SLC35D2: variants seen among roughly 807,000 people sequenced by gnomAD.
The protein encoded by SLC35D2 is solute carrier family 35 member D2.
Under a neutral mutation model 41.8 loss-of-function variants are expected in SLC35D2, and 43 were observed. The observed-to-expected ratio is 1.03, with a 90% CI of 0.81 to 1.33. The LOEUF is 1.33. SLC35D2 is among the 40% of genes most tolerant of loss of function. SLC35D2 has a pLI of 0.00. For synonymous variants in SLC35D2, 150 were observed against 163.9 expected (o/e 0.92, Z 0.65); for missense variants, 380 against 408.4 (o/e 0.93, Z 0.60).
intron 1 of SLC35D2, among the ~76,000 whole-genome samples, chr9:96,382,173 G>A (rs1037307959): frequency 6.6e-6 from 1 of 151,704 alleles, no homozygotes; most frequent in East Asian, 1.9e-4. Flanking sequence ...CAGTTTTCTC[G>A]AATATAAAAT....
intron 6 of SLC35D2, among the ~76,000 whole-genome samples, 177 bp from the exon 7 acceptor site, chr9:96,345,578 C>T (rs113186599): frequency 2.0e-4 from 30 of 152,292 alleles, no homozygotes; most frequent in African/African-American, 6.0e-4. Flanking sequence ...CCAAACCAGC[C>T]CATCAGATGG....
At chr9:96,314,294 G>T (rs1827999227) in exon 12 of SLC35D2, 1 of 151,462 alleles carries the variant, frequency 6.6e-6, no homozygotes, top group African/African-American at 2.5e-5. Context: ...GCATGTGTAT[G>T]TTCACTGCAG....
intron 1 of SLC35D2, among the ~76,000 whole-genome samples, chr9:96,379,392 C>T (rs1831097447): frequency 1.3e-5 from 2 of 152,014 alleles, no homozygotes; most frequent in South Asian, 4.1e-4. Flanking sequence ...TAGGTTCTCA[C>T]AGTTCACAGC....
intron 9 of SLC35D2, among the ~76,000 whole-genome samples, chr9:96,324,759 T>A (rs1053673505): frequency 1.3e-5 from 2 of 152,126 alleles, no homozygotes; most frequent in African/African-American, 4.8e-5. Context: ...TTCACCATGT[T>A]GCCCAGGCTG....
intron 4 of SLC35D2, among the ~76,000 whole-genome samples, chr9:96,353,344 A>ACTATTTAT (rs143629033): frequency 4.7e-5 from 7 of 149,544 alleles, no homozygotes; most frequent in African/African-American, 1.7e-4. Flanking sequence ...GCTGCAAAGG[A>ACTATTTAT]TTATTTATTT....
chr9:96,356,009 G>A (rs1324937484), intron 4 of SLC35D2, among the ~76,000 whole-genome samples: 1 of 152,204 alleles, frequency 6.6e-6, no homozygotes, highest in Non-Finnish European at 1.5e-5. Flanking sequence ...GGTGGAGCCT[G>A]GTGGGCAATG....
chr9:96,359,460 C>G (rs1320305684), intron 4 of SLC35D2, among the ~76,000 whole-genome samples: 12 of 151,966 alleles, frequency 7.9e-5, no homozygotes, highest in Non-Finnish European at 1.8e-4. Context: ...GAGGCCAAAG[C>G]GGATGGATCA....
At chr9:96,378,281 A>C (rs1831040301) in intron 1 of SLC35D2, among the ~76,000 whole-genome samples, 1 of 151,844 alleles carries the variant, frequency 6.6e-6, no homozygotes, top group Non-Finnish European at 1.5e-5. Flanking sequence ...AAAAAAAAAA[A>C]AAACAGCTGG....
chr9:96,337,590 C>T (rs1264952981), intron 8 of SLC35D2, among the ~76,000 whole-genome samples: 1 of 152,200 alleles, frequency 6.6e-6, no homozygotes, highest in Non-Finnish European at 1.5e-5. Context: ...GGAACTTGCA[C>T]ATGCTTAGGA....
chr9:96,325,316 G>A (rs1011865628), intron 9 of SLC35D2, among the ~76,000 whole-genome samples: 1 of 152,182 alleles, frequency 6.6e-6, no homozygotes, highest in Non-Finnish European at 1.5e-5. Flanking sequence ...TGTTGAAAGG[G>A]ATTACAAACT....
At chr9:96,350,589 T>C (rs1373430415) in intron 6 of SLC35D2, among the ~76,000 whole-genome samples, 1 of 152,016 alleles carries the variant, frequency 6.6e-6, no homozygotes, top group East Asian at 1.9e-4. Flanking sequence ...CACGAAGACT[T>C]GGAGTCCTCG....
At chr9:96,346,605 T>C (rs1478236412) in intron 6 of SLC35D2, among the ~76,000 whole-genome samples, 1 of 152,148 alleles carries the variant, frequency 6.6e-6, no homozygotes, top group African/African-American at 2.4e-5. Flanking sequence ...GATCTCACAG[T>C]GGCACAGTTT....
At chr9:96,373,648 T>C (rs934412921) in intron 1 of SLC35D2, among the ~76,000 whole-genome samples, 4 of 150,476 alleles carry the variant, frequency 2.7e-5, no homozygotes, top group African/African-American at 7.4e-5. Flanking sequence ...GATCACGCCA[T>C]TGCACTTCAG....
Position 96,321,459 on chromosome 9 carries a change from C to T in SLC35D2, c.915-118G>A. ...CATGCGGAGGGAATTATTCCAATAT[C>T]TGTGTTTCTCCTCAAGTTTGTGGAT... On this transcript the variant is annotated intron_variant, in intron 11 of 11. Coordinates refer to ENST00000253270, the MANE Select transcript of SLC35D2 (RefSeq NM_007001.3). The T allele has an allele frequency of 5.9e-6, 4 of 675,202 alleles. No individual in the cohort carries two copies. The South Asian group carries it at 7.3e-5, about 12-fold the overall frequency. The allele number at this position is 675,202 out of a possible 1,614,324, so 41.8% of individuals were successfully genotyped here.
At chr9:96,334,572 A>C (rs1828964207) in intron 9 of SLC35D2, among the ~76,000 whole-genome samples, 1 of 152,156 alleles carries the variant, frequency 6.6e-6, no homozygotes, top group South Asian at 2.1e-4. Context: ...CAAGAGGCAG[A>C]GGTTGCAGTG....
chr9:96,328,657 C>T (rs1369093130), intron 9 of SLC35D2, among the ~76,000 whole-genome samples: 1 of 150,726 alleles, frequency 6.6e-6, no homozygotes, highest in Non-Finnish European at 1.5e-5. Flanking sequence ...CAGTCACAAA[C>T]AGAACTCAAA....
chr9:96,318,594 G>A (rs911490983), downstream of SLC35D2, among the ~76,000 whole-genome samples: 2 of 152,002 alleles, frequency 1.3e-5, no homozygotes, highest in East Asian at 3.9e-4. Context: ...TATTTAAGAA[G>A]ATAAATAAAT....
chr9:96,345,405 G>C lies in SLC35D2; in HGVS notation c.489-4C>G, dbSNP rs1294073407. 1.3e-6 allele frequency: 2 copies of C among 1,511,822 alleles called. No individual in the cohort carries two copies. Among genetic ancestry groups the C allele is most frequent in the Non-Finnish European group, 1.8e-6 (2 of 1,091,594 alleles). 93.7% of individuals were successfully genotyped at this position (1,511,822 alleles called of 1,614,324 possible). A position where few individuals can be genotyped will look rare whatever the true frequency, so the allele number is the denominator to read the frequency against. ...TAAGTTAAAAGCAAGGTCAGACCTGGGAGGGAGACCACAAAGGGAGAATGA... is the reference window on the plus strand; with the variant it reads ...TAAGTTAAAAGCAAGGTCAGACCTGCGAGGGAGACCACAAAGGGAGAATGA... On this transcript the variant is annotated splice_region_variant and splice_polypyrimidine_tract_variant and intron_variant, in intron 6 of 11. Transcript: ENST00000253270.
downstream of SLC35D2, among the ~76,000 whole-genome samples, chr9:96,318,476 ATAAAT>A (rs973463342): frequency 1.3e-5 from 2 of 152,102 alleles, no homozygotes; most frequent in African/African-American, 4.8e-5. Flanking sequence ...TAATAATAAA[ATAAAT>A]TAAATATAAA....
Sources: gnomAD v4.1 joint callset for allele counts (sites outside exome capture counted in the v4.1 genomes callset) on GRCh38, gnomAD v4.1.1 for gene constraint, MANE v1.5 for transcripts, NCBI Gene and HGNC (gene_info 2026-07-23, HGNC 2026-07-21) for gene names.